ZNF521: variants seen among roughly 807,000 people sequenced by gnomAD.
The protein encoded by ZNF521 is LYST-interacting protein 3.
In ZNF521, 14 loss-of-function variants were observed where a neutral mutation model predicts 105.5. That is an observed-to-expected ratio of 0.13 (90% CI 0.09 to 0.21). The LOEUF is 0.21. Among genes scored for constraint, ZNF521 ranks in the 10% least tolerant of loss-of-function variants. The pLI is 1.00. For synonymous variants in ZNF521, 635 were observed against 606.0 expected (o/e 1.05, Z -0.70); for missense variants, 1,233 against 1,629.7 (o/e 0.76, Z 4.19).
chr18:25,141,275 T>C lies in ZNF521; in HGVS notation c.3659-49194A>G, dbSNP rs140493710. 5.3e-5 allele frequency among the ~76,000 whole-genome samples: 8 copies of C among 152,258 alleles called. No individual in the cohort carries two copies. In the East Asian group the frequency reaches 1.2e-3, roughly 22 times the overall value. Reference sequence around the variant, plus strand: ...AATTAAAAATTACGTGTTTGTTTCATGAAAAAAGTTAAGAAAAAAAGCTGG... The same window carrying C: ...AATTAAAAATTACGTGTTTGTTTCACGAAAAAAGTTAAGAAAAAAAGCTGG... On this transcript the variant is annotated intron_variant, in intron 5 of 7. Coordinates refer to ENST00000361524, the MANE Select transcript of ZNF521 (RefSeq NM_015461.3).
chr18:25,322,109 T>C lies in ZNF521; in HGVS notation c.119A>G (p.Glu40Gly). Residue 40 changes from glutamate to glycine, a missense_variant, in exon 3 of 8, where the codon GAG (glutamate) becomes GGG (glycine). Coordinates refer to ENST00000361524, the MANE Select transcript of ZNF521 (RefSeq NM_015461.3). ...DCKKRPEDGEELEDEAVHSCD... is the reference protein window; with the variant it reads ...DCKKRPEDGEGLEDEAVHSCD... Reference sequence around the variant, plus strand: ...GCTGTGCACAGCTTCGTCTTCCAACTCCTCCCCGTCTTCCGGCCTCTTCTT... The same window carrying C: ...GCTGTGCACAGCTTCGTCTTCCAACCCCTCCCCGTCTTCCGGCCTCTTCTT... 1 of 1,614,208 alleles carries C rather than the reference T, an allele frequency of 6.2e-7. No individual in the cohort carries two copies. Among genetic ancestry groups the C allele is most frequent in the Non-Finnish European group, 8.5e-7 (1 of 1,180,040 alleles).
At chr18:25,349,911 C>T (rs1914647340) in intron 2 of ZNF521, among the ~76,000 whole-genome samples, 1 of 151,284 alleles carries the variant, frequency 6.6e-6, no homozygotes, top group Admixed American at 6.6e-5. Flanking sequence ...CGCCCCTCCT[C>T]CGGCCCTCGC....
chr18:25,133,767 A>G (rs2034682105), intron 5 of ZNF521, among the ~76,000 whole-genome samples: 1 of 152,144 alleles, frequency 6.6e-6, no homozygotes, highest in South Asian at 2.1e-4. Flanking sequence ...CTGATTGAAC[A>G]ATAGTTTTCA....
chr18:25,077,788 C>G (rs2033397812), intron 7 of ZNF521, among the ~76,000 whole-genome samples: 1 of 151,812 alleles, frequency 6.6e-6, no homozygotes, highest in African/African-American at 2.4e-5. Context: ...CAGAGGGCCT[C>G]TGTGTGAATA....
chr18:25,127,056 T>C (rs1353844425), intron 5 of ZNF521, among the ~76,000 whole-genome samples: 1 of 152,042 alleles, frequency 6.6e-6, no homozygotes, highest in Non-Finnish European at 1.5e-5. Flanking sequence ...AGCTATACTT[T>C]AAATACAAAG....
chr18:25,187,251 A>G (rs2035741996), intron 5 of ZNF521, among the ~76,000 whole-genome samples: 1 of 152,180 alleles, frequency 6.6e-6, no homozygotes. Context: ...TCATACTTAA[A>G]AGATGTAGTT....
intron 5 of ZNF521, among the ~76,000 whole-genome samples, chr18:25,116,820 C>A (rs1175844519): frequency 6.7e-6 from 1 of 149,398 alleles, no homozygotes; most frequent in Admixed American, 6.7e-5. Context: ...TAATTTGGGG[C>A]AAGCATAGCC....
At chr18:25,288,808 T>C (rs1247613388) in intron 3 of ZNF521, among the ~76,000 whole-genome samples, 1 of 152,200 alleles carries the variant, frequency 6.6e-6, no homozygotes, top group African/African-American at 2.4e-5. Context: ...TCCTGAATCC[T>C]TGCACATAAC....
intron 7 of ZNF521, among the ~76,000 whole-genome samples, chr18:25,071,807 C>G (rs1265427481): frequency 6.6e-6 from 1 of 152,144 alleles, no homozygotes; most frequent in East Asian, 1.9e-4. Context: ...TCTGGAGAGA[C>G]AGGGTGCTCT....
chr18:25,256,010 ATATATATATGGTATATATATGG>A (rs796580178), intron 3 of ZNF521, among the ~76,000 whole-genome samples: 62 of 147,804 alleles, frequency 4.2e-4, no homozygotes, highest in Non-Finnish European at 7.4e-4. Flanking sequence ...TATATATATG[ATATATATATGGTATATATATGG>A]TATATATATG....
At chr18:25,260,433 T>C (rs1165963467) in intron 3 of ZNF521, among the ~76,000 whole-genome samples, 1 of 152,114 alleles carries the variant, frequency 6.6e-6, no homozygotes, top group East Asian at 1.9e-4. Context: ...GGTCGGAGCA[T>C]GGGATGTGGA....
Position 25,343,946 on chromosome 18 carries a change from T to C in ZNF521, c.40+6961A>G, listed in dbSNP as rs141722539. On this transcript the variant is annotated intron_variant, in intron 2 of 7. Coordinates refer to ENST00000361524, the MANE Select transcript of ZNF521 (RefSeq NM_015461.3). ...ACAACTAGAGTAGAAATACTAACTA[T>C]AGTATGTGCTGCCATAATAATGATA... Among the ~76,000 whole-genome samples the C allele has an allele frequency of 6.4e-3, 981 of 152,280 alleles. 7 individuals carry two copies. Among genetic ancestry groups the C allele is most frequent in the Middle Eastern group, 0.024 (7 of 294 alleles).
intron 5 of ZNF521, among the ~76,000 whole-genome samples, chr18:25,191,631 T>G (rs1017219567): frequency 6.6e-6 from 1 of 152,294 alleles, no homozygotes; most frequent in Admixed American, 6.5e-5. Flanking sequence ...GGTCAAGAAT[T>G]ATCAGAGTGA....
chr18:25,078,552 C>T (rs1457182522), intron 7 of ZNF521, among the ~76,000 whole-genome samples: 1 of 152,172 alleles, frequency 6.6e-6, no homozygotes, highest in Non-Finnish European at 1.5e-5. Context: ...AATGCATGAC[C>T]TCTCACCCCG....
chr18:25,094,468 CTT>C (rs2033810941), intron 5 of ZNF521, among the ~76,000 whole-genome samples: 1 of 151,990 alleles, frequency 6.6e-6, no homozygotes, highest in African/African-American at 2.4e-5. Context: ...TTAGGGAAGA[CTT>C]ATTTTCTACA....
rs548202109 is a variant in ZNF521 at position 25,331,697 on chromosome 18, G to T, written c.41-9510C>A. On this transcript the variant is annotated intron_variant, in intron 2 of 7. Coordinates refer to ENST00000361524, the MANE Select transcript of ZNF521 (RefSeq NM_015461.3). ...AACATTTCTGAATTGGACACCTAAA[G>T]TTAACTATCTCAACAATTGCTGAGG... Among the ~76,000 whole-genome samples, 22 of 152,228 alleles carry T rather than the reference G, an allele frequency of 1.4e-4. No homozygotes were observed. The South Asian group carries it at 4.6e-3, about 32-fold the overall frequency.
chr18:25,250,855 T>C (rs1568035444), intron 3 of ZNF521, among the ~76,000 whole-genome samples: 1 of 152,210 alleles, frequency 6.6e-6, no homozygotes, highest in Non-Finnish European at 1.5e-5. Context: ...AAAAAATGAT[T>C]GTGAGGGTAA....
intron 2 of ZNF521, among the ~76,000 whole-genome samples, chr18:25,339,545 AAT>A (rs778569955): frequency 6.6e-6 from 1 of 152,202 alleles, no homozygotes; most frequent in Non-Finnish European, 1.5e-5. Context: ...GGATATAGAC[AAT>A]ATGTCTCCTT....
Position 25,153,167 on chromosome 18 carries a change from T to C in ZNF521, c.3658+41993A>G, listed in dbSNP as rs147683135. Among the ~76,000 whole-genome samples, 3 of 152,306 alleles carry C rather than the reference T, an allele frequency of 2.0e-5. No individual in the cohort carries two copies. In the East Asian group the frequency reaches 5.8e-4, roughly 29 times the overall value. The stretch of plus-strand genomic sequence containing the variant: ...ACTAAGTGGATCGTAATGCTGTCAG[T>C]ATGGAGAATGTTGGTCAGCTAAACT... On this transcript the variant is annotated intron_variant, in intron 5 of 7. Coordinates refer to ENST00000361524, the MANE Select transcript of ZNF521 (RefSeq NM_015461.3).
Sources: allele counts gnomAD v4.1 joint callset (sites outside exome capture counted in the v4.1 genomes callset), GRCh38; gene constraint gnomAD v4.1.1; transcripts MANE v1.5; gene names NCBI Gene and HGNC (gene_info 2026-07-23, HGNC 2026-07-21).